Variants in NOTCH2NLR observed in about 807,000 individuals in gnomAD.
The protein encoded by NOTCH2NLR is notch 2 N-terminal like R (pseudogene).
A neutral mutation model predicts 35.6 loss-of-function variants in NOTCH2NLR; 33 were observed. The observed-to-expected ratio is 0.93, with a 90% CI of 0.70 to 1.24. NOTCH2NLR has a LOEUF of 1.24. Among genes scored for constraint, NOTCH2NLR ranks in the 50% most tolerant of loss-of-function variants. NOTCH2NLR has a pLI of 0.00. For missense variants in NOTCH2NLR, 276 were observed against 362.2 expected, an observed-to-expected ratio of 0.76 and a Z score of 1.93; for synonymous variants, 103 against 141.0, an observed-to-expected ratio of 0.73 and a Z score of 1.91.
chr1:120,724,100 G>T lies in NOTCH2NLR; in HGVS notation c.-78G>T, dbSNP rs1196590821. 8 of 1,332,252 alleles carry T rather than the reference G, an allele frequency of 6.0e-6. 2 individuals carry two copies. The highest frequency in any genetic ancestry group is 7.7e-6 in the Non-Finnish European group (8 of 1,033,784). The allele number at this position is 1,332,252 out of a possible 1,614,324, so 82.5% of individuals were successfully genotyped here. A position where few individuals can be genotyped will look rare whatever the true frequency, so the allele number is the denominator to read the frequency against. On this transcript the variant is annotated 5_prime_UTR_variant, in exon 1 of 5. Transcript: ENST00000624419. The stretch of plus-strand genomic sequence containing the variant: ...GAGGAGAGAGTGGGGCTCCTCTATC[G>T]GGACCCCCTCCCCATGTGGATCTGC...
rs1245033468 is a variant in NOTCH2NLR at position 120,742,320 on chromosome 1, T to C, written c.73+18070T>C. Among the ~76,000 whole-genome samples the C allele has an allele frequency of 1.9e-4, 6 of 31,980 alleles. 1 individual carries two copies. The highest frequency in any genetic ancestry group is 9.3e-4 in the African/African-American group (2 of 2,146). 21.0% of individuals were successfully genotyped at this position (31,980 alleles called of 152,430 possible). A position where few individuals can be genotyped will look rare whatever the true frequency, so the allele number is the denominator to read the frequency against. On this transcript the variant is annotated intron_variant, in intron 1 of 4. Coordinates refer to ENST00000624419, the Ensembl canonical transcript of NOTCH2NLR. Reference sequence around the variant, plus strand: ...AACTCTGTGTGTGTGTGCGTGTGTGTGTGTGTGTGTGTGTGTGTGTGTGTG... The same window carrying C: ...AACTCTGTGTGTGTGTGCGTGTGTGCGTGTGTGTGTGTGTGTGTGTGTGTG...
At chr1:120,734,416 T>C (rs1476022873) in intron 1 of NOTCH2NLR, among the ~76,000 whole-genome samples, 2 of 92,696 alleles carry the variant, frequency 2.2e-5, no homozygotes, top group Non-Finnish European at 4.1e-5. Flanking sequence ...CTTTTTTTTT[T>C]TTTTAATGGT....
In NOTCH2NLR at chr1:120,793,737, C is replaced by T. The variant is rs1308927226; in HGVS notation, c.752-10C>T. The stretch of plus-strand genomic sequence containing the variant: ...AGTGGCTAGAAAATTGTTTATTGTC[C>T]CTTTTGTAGAAACAGTGAGAAATAA... On this transcript the variant is annotated splice_polypyrimidine_tract_variant and intron_variant, in intron 4 of 4. Coordinates refer to ENST00000624419, the Ensembl canonical transcript of NOTCH2NLR. 82 of 726,592 alleles carry T rather than the reference C, an allele frequency of 1.1e-4. 17 individuals are homozygous for T. Among genetic ancestry groups the T allele is most frequent in the South Asian group, 4.5e-4 (30 of 66,246 alleles). 45.0% of individuals were successfully genotyped at this position (726,592 alleles called of 1,614,324 possible).
At chr1:120,725,390 GAA>G (rs1650805003) in intron 1 of NOTCH2NLR, among the ~76,000 whole-genome samples, 1 of 64,508 alleles carries the variant, frequency 1.6e-5, no homozygotes, top group African/African-American at 1.6e-4. Flanking sequence ...AAGGTGTTCA[GAA>G]AGTCCTTTCA....
rs1462100772 is a variant in NOTCH2NLR at position 120,762,466 on chromosome 1, G to A, written c.74-1162G>A. On this transcript the variant is annotated intron_variant, in intron 1 of 4. Coordinates refer to ENST00000624419, the Ensembl canonical transcript of NOTCH2NLR. ...GTGGCCAGGGATGGCCAGGCCTAGC[G>A]TCTCTCTGATCTTGCACAATTTATG... Among the ~76,000 whole-genome samples, 22 of 107,192 alleles carry A rather than the reference G, an allele frequency of 2.1e-4. 5 individuals are homozygous for A. The highest frequency in any genetic ancestry group is 7.8e-4 in the African/African-American group (15 of 19,288). The allele number at this position is 107,192 out of a possible 152,430, so 70.3% of individuals were successfully genotyped here. A position where few individuals can be genotyped will look rare whatever the true frequency, so the allele number is the denominator to read the frequency against.
At chr1:120,792,516 T>G (rs1651502901) in intron 3 of NOTCH2NLR, among the ~76,000 whole-genome samples, 1 of 110,806 alleles carries the variant, frequency 9.0e-6, no homozygotes, top group Admixed American at 8.7e-5. Flanking sequence ...ATTTTTTTTT[T>G]TTTGAAATAG....
intron 1 of NOTCH2NLR, among the ~76,000 whole-genome samples, chr1:120,727,776 C>G (rs1230893424): frequency 8.5e-6 from 1 of 117,246 alleles, no homozygotes; most frequent in Non-Finnish European, 1.6e-5. Context: ...AATTTTCCTT[C>G]CACGCTTTCC....
intron 1 of NOTCH2NLR, among the ~76,000 whole-genome samples, chr1:120,756,217 A>C (rs2101392622): frequency 8.8e-6 from 1 of 113,062 alleles, no homozygotes; most frequent in Non-Finnish European, 1.7e-5. Context: ...TAATGCAGGC[A>C]GTCATTTTAG....
chr1:120,779,330 G>T (rs1411684238), intron 2 of NOTCH2NLR, among the ~76,000 whole-genome samples: 1 of 69,506 alleles, frequency 1.4e-5, no homozygotes, highest in Non-Finnish European at 2.6e-5. Context: ...GACTTTTAAA[G>T]AAAAAGTCAT....
chr1:120,729,101 G>T (rs1185304878), intron 1 of NOTCH2NLR, among the ~76,000 whole-genome samples: 1 of 101,652 alleles, frequency 9.8e-6, no homozygotes, highest in Non-Finnish European at 1.8e-5. Flanking sequence ...GAGGCTGATG[G>T]TGAGTTGGAG....
At chr1:120,776,296 A>G (rs1391748900) in intron 2 of NOTCH2NLR, among the ~76,000 whole-genome samples, 1 of 107,690 alleles carries the variant, frequency 9.3e-6, no homozygotes, top group East Asian at 2.3e-4. Context: ...TTAAGTTGAG[A>G]CTTAATGAAA....
chr1:120,793,403 A>G, exon 4 of NOTCH2NLR: 1 of 1,440,478 alleles, frequency 6.9e-7, no homozygotes, highest in African/African-American at 2.6e-5. Context: ...GTACTGTGAC[A>G]GACTGTATGT....
In NOTCH2NLR at chr1:120,793,457, C is replaced by T. The variant is rs1256875698; in HGVS notation, c.712C>T (p.Gln238Ter). ...TTGTGTCAATGGAGGCACCTGTCGGCAGACTGGTGACTTCACTTTTGAGTG... is the reference window on the plus strand; with the variant it reads ...TTGTGTCAATGGAGGCACCTGTCGGTAGACTGGTGACTTCACTTTTGAGTG... Residue 238 changes from glutamine (Q) to a stop codon, truncating the protein, a stop_gained, in exon 4 of 5, where the codon CAG becomes TAG. Coordinates refer to ENST00000624419, the Ensembl canonical transcript of NOTCH2NLR. LOFTEE classifies it high-confidence loss of function. 3.5e-6 allele frequency: 5 copies of T among 1,432,004 alleles called. 1 individual carries two copies. The highest frequency in any genetic ancestry group is 2.7e-5 in the African/African-American group (1 of 37,724). The allele number at this position is 1,432,004 out of a possible 1,614,324, so 88.7% of individuals were successfully genotyped here. A position where few individuals can be genotyped will look rare whatever the true frequency, so the allele number is the denominator to read the frequency against.
In NOTCH2NLR at chr1:120,724,140, CGGCGGCGGCGGAGGA is replaced by C; in HGVS notation, c.-35_-21del. ...TGTGGATCTGCCCAGGCGGCGGCGGCGGCGGCGGCGGAGGAGGAGGAGGAGGCGACCGAGAAGATG... is the reference window on the plus strand; with the variant it reads ...TGTGGATCTGCCCAGGCGGCGGCGGCGGAGGAGGAGGCGACCGAGAAGATG... On this transcript the variant is annotated 5_prime_UTR_variant, in exon 1 of 5. Coordinates refer to ENST00000624419, the Ensembl canonical transcript of NOTCH2NLR. The C allele has an allele frequency of 1.5e-6, 2 of 1,364,062 alleles. 1 individual carries two copies. The highest frequency in any genetic ancestry group is 2.7e-5 in the South Asian group (2 of 74,012). 84.5% of individuals were successfully genotyped at this position (1,364,062 alleles called of 1,614,324 possible). A position where few individuals can be genotyped will look rare whatever the true frequency, so the allele number is the denominator to read the frequency against.
intron 2 of NOTCH2NLR, among the ~76,000 whole-genome samples, chr1:120,770,665 A>G (rs1651253209): frequency 8.3e-6 from 1 of 120,890 alleles, no homozygotes. Context: ...AAGAGAAGTT[A>G]AATAATTCAC....
At chr1:120,752,609 C>T (rs1340638774) in intron 1 of NOTCH2NLR, among the ~76,000 whole-genome samples, 1 of 28,500 alleles carries the variant, frequency 3.5e-5, no homozygotes, top group Non-Finnish European at 5.0e-5. Context: ...CTTGCTCTGT[C>T]GCCCAGGCTG....
chr1:120,793,817 A>G lies in NOTCH2NLR; in HGVS notation c.822A>G (p.Arg274=). ...CAAGTCTGGAATGGAAAAGAACACGATGAGAATTAGACACTGGAAAATATG... is the reference window on the plus strand; with the variant it reads ...CAAGTCTGGAATGGAAAAGAACACGGTGAGAATTAGACACTGGAAAATATG... The change falls in exon 5 of 5, where the codon CGA becomes CGG. Residue 274 remains arginine (R), a synonymous_variant. Transcript: ENST00000624419. 2.1e-6 allele frequency: 2 copies of G among 944,050 alleles called. 1 individual carries two copies. Among genetic ancestry groups the G allele is most frequent in the Non-Finnish European group, 3.2e-6 (2 of 631,570 alleles). The allele number at this position is 944,050 out of a possible 1,614,324, so 58.5% of individuals were successfully genotyped here.
At position 120,749,733 on chromosome 1, in the gene NOTCH2NLR, G is replaced by GT. The variant is rs1310297240; in HGVS notation, c.74-13880dup. On this transcript the variant is annotated intron_variant, in intron 1 of 4. Transcript: ENST00000624419. ...TCTAAACAATTTCAGTCATAGGGTA[G>GT]TTTTTTTTTTTTTTTCCTGGAGAAA... 3.8e-4 allele frequency among the ~76,000 whole-genome samples: 7 copies of GT among 18,314 alleles called. 1 individual carries two copies. The highest frequency in any genetic ancestry group is 9.8e-4 in the South Asian group (1 of 1,022). The allele number at this position is 18,314 out of a possible 152,430, so 12.0% of individuals were successfully genotyped here. A position where few individuals can be genotyped will look rare whatever the true frequency, so the allele number is the denominator to read the frequency against.
At chr1:120,761,593 A>G (rs1402050777) in intron 1 of NOTCH2NLR, among the ~76,000 whole-genome samples, 1 of 48,960 alleles carries the variant, frequency 2.0e-5, no homozygotes, top group East Asian at 4.1e-4. Context: ...TATTTAAAGA[A>G]AAAAAGTAAA....
Sources: gnomAD v4.1 joint callset for allele counts (sites outside exome capture counted in the v4.1 genomes callset) on GRCh38, gnomAD v4.1.1 for gene constraint, MANE v1.5 for transcripts, NCBI Gene and HGNC (gene_info 2026-07-23, HGNC 2026-07-21) for gene names.